Variants in TNNI3K observed in about 807,000 individuals in gnomAD.
TNNI3K encodes the protein TNNI3 interacting kinase, also known as serine/threonine-protein kinase TNNI3K.
A neutral mutation model predicts 114.5 loss-of-function variants in TNNI3K; 140 were observed. The ratio of observed to expected loss-of-function variants is 1.22; its 90% CI spans 1.07 to 1.41. TNNI3K has a LOEUF of 1.41. Among genes scored for constraint, TNNI3K ranks in the 40% most tolerant of loss-of-function variants. The pLI is 0.00. For synonymous variants in TNNI3K, 347 were observed against 347.5 expected (o/e 1.00, Z 0.02); for missense variants, 1,125 against 1,007.6 (o/e 1.12, Z -1.58).
chr1:74,461,816 A>G (rs1667466709), intron 20 of TNNI3K, among the ~76,000 whole-genome samples: 1 of 152,240 alleles, frequency 6.6e-6, no homozygotes, highest in Non-Finnish European at 1.5e-5. Context: ...TCATAAATGA[A>G]TAATCTATGA....
Position 74,544,053 on chromosome 1 carries a change from T to G in TNNI3K, c.*71T>G. The G allele has an allele frequency of 6.5e-7, 1 of 1,544,196 alleles. No homozygotes were observed. The highest frequency in any genetic ancestry group is 8.8e-7 in the Non-Finnish European group (1 of 1,136,044). On this transcript the variant is annotated 3_prime_UTR_variant, in exon 25 of 25. Transcript: ENST00000326637. ...AGCAACGATTCCAACCACGGCAAGC[T>G]GGCTTCCAACTATAACATTTTACTC... is the stretch of plus-strand genomic sequence containing the variant.
chr1:74,261,524 C>T (rs545358478), intron 4 of TNNI3K, among the ~76,000 whole-genome samples: 7 of 151,998 alleles, frequency 4.6e-5, no homozygotes, highest in Non-Finnish European at 1.0e-4. Context: ...CATTTATATC[C>T]CTCTATAGGG....
chr1:74,426,482 C>T (rs1340119921), intron 17 of TNNI3K, among the ~76,000 whole-genome samples: 2 of 152,030 alleles, frequency 1.3e-5, no homozygotes, highest in African/African-American at 2.4e-5. Context: ...TATTTTTAAG[C>T]TCAGCCCTCG....
intron 17 of TNNI3K, among the ~76,000 whole-genome samples, chr1:74,434,677 T>C (rs1269218206): frequency 6.6e-6 from 1 of 152,012 alleles, no homozygotes; most frequent in East Asian, 1.9e-4. Flanking sequence ...ATCATGTGTA[T>C]TAATTAGTAA....
chr1:74,490,313 A>T (rs1222760585), intron 22 of TNNI3K, among the ~76,000 whole-genome samples: 4 of 152,224 alleles, frequency 2.6e-5, no homozygotes, highest in African/African-American at 9.6e-5. Context: ...GCCCCTGTGG[A>T]CAAAAGCATC....
chr1:74,369,569 C>T lies in TNNI3K; in HGVS notation c.1651C>T (p.Leu551Phe), dbSNP rs751278922. 6.2e-6 allele frequency: 10 copies of T among 1,608,172 alleles called. No homozygotes were observed. The highest frequency in any genetic ancestry group is 8.5e-6 in the Non-Finnish European group (10 of 1,177,348). The change falls in exon 16 of 25, where the codon CTT becomes TTT. Residue 551 changes from leucine (L) to phenylalanine (F), a missense_variant. Leu to Phe is a conservative substitution (Grantham distance 22). Coordinates refer to ENST00000326637, the MANE Select transcript of TNNI3K (RefSeq NM_015978.3). ...YISGGSLFSL[L>F]HEQKRILDLQ... ...ATCAGGGGGTTCTCTGTTCTCCCTCCTTCATGAGCAGAAGAGGTATGGGTC... is the reference window on the plus strand; with the variant it reads ...ATCAGGGGGTTCTCTGTTCTCCCTCTTTCATGAGCAGAAGAGGTATGGGTC...
At chr1:74,420,102 G>T (rs1424901886) in intron 17 of TNNI3K, among the ~76,000 whole-genome samples, 2 of 151,962 alleles carry the variant, frequency 1.3e-5, no homozygotes, top group Non-Finnish European at 2.9e-5. Context: ...ATATAGATAT[G>T]AAATGAATGA....
At chr1:74,236,316 G>A (rs1481412030) in intron 2 of TNNI3K, 106 bp downstream of exon 2, 1 of 947,974 alleles carries the variant, frequency 1.1e-6, no homozygotes, top group South Asian at 1.6e-5. Flanking sequence ...TCAGACATAA[G>A]CAGTCATGTT....
chr1:74,445,603 C>CTTTTTTTTTTTTT (rs1234823064), intron 20 of TNNI3K, among the ~76,000 whole-genome samples: 1 of 131,148 alleles, frequency 7.6e-6, no homozygotes, highest in African/African-American at 3.1e-5. Context: ...TCCACATTTT[C>CTTTTTTTTTTTTT]TTTTTTTTCT....
At chr1:74,357,956 A>G (rs1385109914) in intron 11 of TNNI3K, among the ~76,000 whole-genome samples, 1 of 152,096 alleles carries the variant, frequency 6.6e-6, no homozygotes, top group Non-Finnish European at 1.5e-5. Context: ...AATCACCAGT[A>G]TGGAAAACCC....
chr1:74,457,703 G>A (rs1667284103), intron 20 of TNNI3K, among the ~76,000 whole-genome samples: 1 of 152,116 alleles, frequency 6.6e-6, no homozygotes, highest in African/African-American at 2.4e-5. Flanking sequence ...TTTAATGTGA[G>A]TTTCTAAATT....
At chr1:74,281,023 C>T (rs533181357) in intron 5 of TNNI3K, among the ~76,000 whole-genome samples, 19 of 152,280 alleles carry the variant, frequency 1.2e-4, no homozygotes, top group Admixed American at 9.2e-4. Context: ...GAAGCCCTCT[C>T]CTGATTCCAG....
chr1:74,254,916 T>A (rs931520372), intron 4 of TNNI3K, among the ~76,000 whole-genome samples: 1 of 152,150 alleles, frequency 6.6e-6, no homozygotes, highest in Non-Finnish European at 1.5e-5. Flanking sequence ...CTGCAAGGGT[T>A]TGTGATAACA....
intron 17 of TNNI3K, among the ~76,000 whole-genome samples, chr1:74,407,794 G>A (rs1570583872): frequency 6.6e-6 from 1 of 152,046 alleles, no homozygotes; most frequent in Non-Finnish European, 1.5e-5. Context: ...CAAAGAAGAT[G>A]GTCTAGATCT....
chr1:74,465,401 G>A (rs1301183959), intron 21 of TNNI3K, among the ~76,000 whole-genome samples: 1 of 152,228 alleles, frequency 6.6e-6, no homozygotes, highest in Non-Finnish European at 1.5e-5. Flanking sequence ...CTTAGCACCT[G>A]AGCCAGCAGC....
intron 1 of TNNI3K, 73 bp downstream of exon 1, chr1:74,235,564 C>A: frequency 1.2e-6 from 1 of 812,176 alleles, no homozygotes; most frequent in Non-Finnish European, 2.0e-6. Flanking sequence ...ACTAACAACT[C>A]ATTGGAATAT....
chr1:74,474,848 A>C (rs1326614455), intron 21 of TNNI3K, among the ~76,000 whole-genome samples: 5 of 151,972 alleles, frequency 3.3e-5, no homozygotes, highest in Non-Finnish European at 5.9e-5. Flanking sequence ...TCCTGAAATG[A>C]ATCACTAGCA....
rs539696402 is a variant in TNNI3K at position 74,325,867 on chromosome 1, A to G, written c.445-5583A>G. 7.2e-5 allele frequency among the ~76,000 whole-genome samples: 11 copies of G among 152,318 alleles called. 1 individual carries two copies. The highest frequency in any genetic ancestry group is 2.6e-4 in the African/African-American group (11 of 41,570). ...CAACTTTCATGCTAATGTCTTTAGGATCATTTTGAATTGATAAGTCATCAC... is the reference window on the plus strand; with the variant it reads ...CAACTTTCATGCTAATGTCTTTAGGGTCATTTTGAATTGATAAGTCATCAC... On this transcript the variant is annotated intron_variant, in intron 5 of 24. Transcript: ENST00000326637.
intron 7 of TNNI3K, among the ~76,000 whole-genome samples, chr1:74,338,768 T>A (rs1302130814): frequency 6.6e-6 from 1 of 152,170 alleles, no homozygotes; most frequent in Non-Finnish European, 1.5e-5. Context: ...CAAGGGCCAC[T>A]TTATTTCGTA....
Sources: gnomAD v4.1 joint callset for allele counts (sites outside exome capture counted in the v4.1 genomes callset) on GRCh38, gnomAD v4.1.1 for gene constraint, MANE v1.5 for transcripts, NCBI Gene and HGNC (gene_info 2026-07-23, HGNC 2026-07-21) for gene names.